ANAPC10: variants seen among roughly 807,000 people sequenced by gnomAD.
ANAPC10 encodes the protein anaphase promoting complex subunit 10.
In ANAPC10, 12 loss-of-function variants were observed where a neutral mutation model predicts 22.0. That is an observed-to-expected ratio of 0.55 (90% CI 0.35 to 0.88). The LOEUF (loss-of-function observed/expected upper bound fraction) is 0.88, where lower values mean the gene tolerates loss of function less well. Ranked by LOEUF, ANAPC10 falls within the 40% of genes least tolerant of loss-of-function variation. ANAPC10 has a pLI of 0.01. For synonymous variants in ANAPC10, 65 were observed against 69.5 expected (o/e 0.94, Z 0.32); for missense variants, 188 against 220.9 (o/e 0.85, Z 0.94).
chr4:145,019,639 A>C (rs1303581798), intron 4 of ANAPC10, among the ~76,000 whole-genome samples: 2 of 152,182 alleles, frequency 1.3e-5, no homozygotes, highest in African/African-American at 4.8e-5. Flanking sequence ...ACAAAAGATA[A>C]ATGAAACAAA....
intron 4 of ANAPC10, among the ~76,000 whole-genome samples, chr4:145,040,631 C>T (rs1446728976): frequency 6.6e-6 from 1 of 152,188 alleles, no homozygotes; most frequent in Admixed American, 6.5e-5. Flanking sequence ...AAAGGTTATA[C>T]AATCTGCCCA....
At chr4:145,044,300 C>T (rs1159642180) in intron 4 of ANAPC10, among the ~76,000 whole-genome samples, 1 of 151,948 alleles carries the variant, frequency 6.6e-6, no homozygotes, top group Admixed American at 6.6e-5. Flanking sequence ...TCAAATCTAA[C>T]AAAAGGGCTT....
chr4:145,008,500 G>C (rs1733774402), intron 4 of ANAPC10, among the ~76,000 whole-genome samples: 1 of 152,208 alleles, frequency 6.6e-6, no homozygotes, highest in Non-Finnish European at 1.5e-5. Context: ...GATCAAGTCA[G>C]CTTCAATCTT....
At chr4:145,018,124 AAT>A (rs1553965077) in intron 4 of ANAPC10, among the ~76,000 whole-genome samples, 5 of 147,918 alleles carry the variant, frequency 3.4e-5, no homozygotes, top group East Asian at 2.0e-4. Flanking sequence ...TAATAAAAAA[AAT>A]ATATATATAT....
Position 145,081,725 on chromosome 4 carries a change from A to G in ANAPC10, c.141T>C (p.Asp47=). The change falls in exon 3 of 5, where the codon GAT becomes GAC. Residue 47 remains aspartate, a synonymous_variant. Transcript: ENST00000507656. ...KPGFGVDQLR[D]DNLETYWQSD... ...ATTGCCAATAAGTTTCTAGATTGTC[A>G]TCTCGTAACTGATCCACTCCAAATC... 7 of 1,612,918 alleles carry G rather than the reference A, an allele frequency of 4.3e-6. No individual in the cohort carries two copies. The highest frequency in any genetic ancestry group is 1.1e-5 in the South Asian group (1 of 90,648).
At chr4:145,072,202 G>T (rs867255994) in intron 3 of ANAPC10, among the ~76,000 whole-genome samples, 4 of 152,102 alleles carry the variant, frequency 2.6e-5, no homozygotes, top group Non-Finnish European at 5.9e-5. Context: ...ATAAAACTGG[G>T]TAGGTTACCA....
chr4:145,062,520 T>C (rs1487798022), intron 4 of ANAPC10, among the ~76,000 whole-genome samples: 1 of 152,100 alleles, frequency 6.6e-6, no homozygotes, highest in African/African-American at 2.4e-5. Context: ...GGTTTAAGAA[T>C]TGTTTGAACC....
intron 3 of ANAPC10, among the ~76,000 whole-genome samples, chr4:145,077,795 C>T (rs1745402600): frequency 2.0e-5 from 3 of 152,128 alleles, no homozygotes; most frequent in African/African-American, 4.8e-5. Flanking sequence ...TCAAGAGATG[C>T]AGAAAAGGCT....
intron 4 of ANAPC10, among the ~76,000 whole-genome samples, chr4:145,035,912 T>C (rs112306040): frequency 6.6e-6 from 1 of 152,140 alleles, no homozygotes; most frequent in East Asian, 1.9e-4. Flanking sequence ...CTTCCACTGG[T>C]AGCAGATGAG....
chr4:145,082,094 C>T (rs781488027), intron 2 of ANAPC10, among the ~76,000 whole-genome samples: 3 of 152,116 alleles, frequency 2.0e-5, no homozygotes, highest in African/African-American at 7.2e-5. Flanking sequence ...CACATACAAA[C>T]CCTATATTAG....
intron 3 of ANAPC10, among the ~76,000 whole-genome samples, chr4:145,066,809 T>A (rs576857885): frequency 5.3e-5 from 8 of 152,054 alleles, no homozygotes; most frequent in African/African-American, 1.9e-4. Context: ...GGTTAATAAC[T>A]GGCTTAAGGT....
Position 144,995,380 on chromosome 4 carries a change from A to G in ANAPC10, c.551T>C (p.Ile184Thr). 1 of 1,603,616 alleles carries G rather than the reference A, an allele frequency of 6.2e-7. No homozygotes were observed. Among genetic ancestry groups the G allele is most frequent in the Non-Finnish European group, 8.5e-7 (1 of 1,172,316 alleles). The change falls in exon 5 of 5, where the codon ATA becomes ACA. Residue 184 changes from isoleucine to threonine, a missense_variant. Coordinates refer to ENST00000507656, the MANE Select transcript of ANAPC10 (RefSeq NM_001256706.2). ...TTTCGTCTCATTTTAAAGTCACCTT[A>G]TTGAACGATACATCATGAAATCTAT... Reference protein sequence around the residue: ...TTIDFMMYRSIR With the variant: ...TTIDFMMYRSTR
chr4:145,075,933 T>C (rs561488257), intron 3 of ANAPC10, among the ~76,000 whole-genome samples: 1 of 152,132 alleles, frequency 6.6e-6, no homozygotes, highest in Non-Finnish European at 1.5e-5. Context: ...CTGCACAATA[T>C]AGGGCTGTCT....
chr4:145,006,635 CGAT>C (rs1733414483), intron 4 of ANAPC10, among the ~76,000 whole-genome samples: 1 of 151,962 alleles, frequency 6.6e-6, no homozygotes, highest in Non-Finnish European at 1.5e-5. Flanking sequence ...AATAAAACGA[CGAT>C]AATTTTATTT....
At chr4:145,077,261 CCT>C (rs1448066309) in intron 3 of ANAPC10, among the ~76,000 whole-genome samples, 3 of 151,788 alleles carry the variant, frequency 2.0e-5, no homozygotes, top group Non-Finnish European at 4.4e-5. Context: ...ATGAGCAAAA[CCT>C]CTGAGAAATA....
intron 4 of ANAPC10, among the ~76,000 whole-genome samples, chr4:145,060,517 CT>C (rs1742724730): frequency 6.6e-6 from 1 of 151,872 alleles, no homozygotes. Context: ...TAAGTTACTA[CT>C]TCAAATCAAC....
At chr4:145,013,074 G>GAGGCTTCCCCAGAC (rs1294999191) in intron 4 of ANAPC10, among the ~76,000 whole-genome samples, 47 of 152,246 alleles carry the variant, frequency 3.1e-4, no homozygotes, top group Middle Eastern at 6.8e-3. Flanking sequence ...AGCATTTCCT[G>GAGGCTTCCCCAGAC]AGGCTTCCCC....
intron 1 of ANAPC10, chr4:145,097,409 T>C: frequency 1.9e-6 from 2 of 1,053,918 alleles, no homozygotes; most frequent in Non-Finnish European, 2.6e-6. Context: ...TCGTGAACAA[T>C]ATGTAAAACT....
intron 4 of ANAPC10, among the ~76,000 whole-genome samples, chr4:145,004,590 T>C (rs907178606): frequency 6.6e-6 from 1 of 152,200 alleles, no homozygotes; most frequent in African/African-American, 2.4e-5. Flanking sequence ...TCTGCATCTA[T>C]TGAAATGATC....
Sources: gnomAD v4.1 joint callset for allele counts (sites outside exome capture counted in the v4.1 genomes callset) on GRCh38, gnomAD v4.1.1 for gene constraint, MANE v1.5 for transcripts, NCBI Gene and HGNC (gene_info 2026-07-23, HGNC 2026-07-21) for gene names.